The following ANGPTL6 variants were observed in gnomAD, a reference collection of about 807,000 sequenced individuals.
ANGPTL6 encodes the protein angiopoietin-related protein 6.
ANGPTL6 carries 45 observed loss-of-function variants against 47.4 expected under a neutral mutation model. The ratio of observed to expected loss-of-function variants is 0.95; its 90% CI spans 0.75 to 1.22. The LOEUF (loss-of-function observed/expected upper bound fraction) is 1.22, where lower values mean the gene tolerates loss of function less well. Ranked by LOEUF, ANGPTL6 falls within the 50% of genes most tolerant of loss-of-function variation. The pLI is 0.00. For synonymous variants in ANGPTL6, 290 were observed against 295.9 expected, an observed-to-expected ratio of 0.98 and a Z score of 0.20; for missense variants, 698 against 669.4, an observed-to-expected ratio of 1.04 and a Z score of -0.47.
chr19:10,103,825 T>C (rs1185118984), upstream of ANGPTL6, among the ~76,000 whole-genome samples: 1 of 150,938 alleles, frequency 6.6e-6, no homozygotes, highest in South Asian at 2.1e-4. Flanking sequence ...CTGGGCGCGG[T>C]GGCTCACGCC....
Position 10,096,586 on chromosome 19 carries a change from G to A in ANGPTL6, c.-10-13C>T, listed in dbSNP as rs2145174981. 6.8e-7 allele frequency: 1 copy of A among 1,476,008 alleles called. No individual in the cohort carries two copies. Among genetic ancestry groups the A allele is most frequent in the Non-Finnish European group, 8.9e-7 (1 of 1,120,104 alleles). The allele number at this position is 1,476,008 out of a possible 1,614,324, so 91.4% of individuals were successfully genotyped here. A position where few individuals can be genotyped will look rare whatever the true frequency, so the allele number is the denominator to read the frequency against. On this transcript the variant is annotated splice_polypyrimidine_tract_variant and intron_variant, in intron 1 of 5. Coordinates refer to ENST00000253109, the MANE Select transcript of ANGPTL6 (RefSeq NM_031917.3). ...CATCGCGGCGGACCTGCAGGCAGAG[G>A]AGGAACGGAAGGAAGACGGGGTGCT...
chr19:10,104,081 CA>C (rs33948028), upstream of ANGPTL6, among the ~76,000 whole-genome samples: 263 of 74,174 alleles, frequency 3.5e-3, 1 homozygote, highest in East Asian at 6.3e-3. Flanking sequence ...GACTCTGTCT[CA>C]AAAAAAAAAA....
intron 1 of ANGPTL6, among the ~76,000 whole-genome samples, 175 bp downstream of exon 1, chr19:10,102,393 C>T (rs865948166): frequency 6.6e-6 from 1 of 151,196 alleles, no homozygotes; most frequent in Non-Finnish European, 1.5e-5. Context: ...ACATGCCCCA[C>T]CCCCCACAAC....
chr19:10,094,228 C>A (rs1233606507), intron 3 of ANGPTL6, among the ~76,000 whole-genome samples: 1 of 151,918 alleles, frequency 6.6e-6, no homozygotes, highest in Non-Finnish European at 1.5e-5. Context: ...CTCACTGCAA[C>A]CTCATCCTCC....
chr19:10,098,715 T>C (rs2088604295), intron 1 of ANGPTL6, among the ~76,000 whole-genome samples: 1 of 151,650 alleles, frequency 6.6e-6, no homozygotes, highest in Non-Finnish European at 1.5e-5. Context: ...TCTCAGCTAC[T>C]TGGGAGGCTG....
chr19:10,093,508 G>A lies in ANGPTL6; in HGVS notation c.1063C>T (p.Arg355Cys), dbSNP rs747941692. Residue 355 changes from arginine (R) to cysteine (C), a missense_variant, in exon 5 of 6, where the codon CGT (arginine) becomes TGT (cysteine). By Grantham distance (180) the Arg-to-Cys change is radical. Transcript: ENST00000253109. ...LLVLLEDWGG[R>C]GARAHYDGFS... The stretch of plus-strand genomic sequence containing the variant: ...CCATCATAGTGGGCACGTGCTCCAC[G>A]GCCCCCCCAGTCCTCCAGGAGAACC... The A allele has an allele frequency of 6.8e-6, 11 of 1,614,028 alleles. No individual in the cohort carries two copies. Among genetic ancestry groups the A allele is most frequent in the East Asian group, 4.5e-5 (2 of 44,892 alleles).
chr19:10,098,869 T>TG (rs1215057118), intron 1 of ANGPTL6, among the ~76,000 whole-genome samples: 1 of 150,116 alleles, frequency 6.7e-6, no homozygotes, highest in Admixed American at 6.6e-5. Flanking sequence ...GGAGGTGAGG[T>TG]GGGGTGAGGG....
At chr19:10,094,581 C>T (rs1045036997) in intron 3 of ANGPTL6, 177 bp downstream of exon 3, 31 of 782,818 alleles carry the variant, frequency 4.0e-5, no homozygotes, top group Non-Finnish European at 5.8e-5. Context: ...GTAAGAGTCC[C>T]TCCTCTTCTA....
intron 1 of ANGPTL6, among the ~76,000 whole-genome samples, chr19:10,098,536 G>A (rs1051183912): frequency 1.3e-5 from 2 of 152,048 alleles, no homozygotes; most frequent in African/African-American, 4.8e-5. Flanking sequence ...AAGCAAAAGC[G>A]AAGGGAGGCT....
chr19:10,102,535 A>G lies in ANGPTL6; in HGVS notation c.-11+33T>C. On this transcript the variant is annotated intron_variant, in intron 1 of 5. Coordinates refer to ENST00000253109, the MANE Select transcript of ANGPTL6 (RefSeq NM_031917.3). ...GTGGTCGGAGTTTCCCCACAGTGAG[A>G]ATCAACCTCCACCTACCTTCCCACC... The G allele has an allele frequency of 1.8e-5, 18 of 982,400 alleles. 1 individual carries two copies. Among genetic ancestry groups the G allele is most frequent in the Non-Finnish European group, 2.2e-5 (18 of 827,262 alleles). The allele number at this position is 982,400 out of a possible 1,614,324, so 60.9% of individuals were successfully genotyped here.
In ANGPTL6 at chr19:10,094,783, G is replaced by A; in HGVS notation, c.738C>T (p.His246=). The A allele has an allele frequency of 6.2e-7, 1 of 1,614,192 alleles. No individual in the cohort carries two copies. Among genetic ancestry groups the A allele is most frequent in the Non-Finnish European group, 8.5e-7 (1 of 1,180,034 alleles). ...EPMASPMPAG[H]PAVPTKPVGP... ...CCACAGGCTTGGTGGGGACCGCAGG[G>A]TGACCTGCAGGCATGGGAGAAGCCA... The change falls in exon 3 of 6, where the codon CAC becomes CAT. Residue 246 remains histidine, a synonymous_variant. Coordinates refer to ENST00000253109, the MANE Select transcript of ANGPTL6 (RefSeq NM_031917.3).
Position 10,093,405 on chromosome 19 carries a change from G to GA in ANGPTL6, c.1165dup (p.Ser389PhefsTer5), listed in dbSNP as rs1406144611. On this transcript the variant is annotated frameshift_variant, in exon 5 of 6. Transcript: ENST00000253109. LOFTEE classifies it high-confidence loss of function. ...GCTGAAGGGCTTGTCATTGTGCCAG[G>GA]AAAGAGAGTCTCCAGCATCACCATG... 8 of 1,614,048 alleles carry GA rather than the reference G, an allele frequency of 5.0e-6. No homozygotes were observed. In the Admixed American group the frequency reaches 1.0e-4, roughly 20 times the overall value.
chr19:10,099,647 TC>T (rs1221083587), intron 1 of ANGPTL6, among the ~76,000 whole-genome samples: 1 of 149,676 alleles, frequency 6.7e-6, no homozygotes, highest in Non-Finnish European at 1.5e-5. Flanking sequence ...CCCAGGCCCT[TC>T]CTCACACGAA....
At chr19:10,101,072 A>G (rs1018858623) in intron 1 of ANGPTL6, among the ~76,000 whole-genome samples, 6 of 152,028 alleles carry the variant, frequency 3.9e-5, no homozygotes, top group Non-Finnish European at 5.9e-5. Flanking sequence ...AGCCAGGCGT[A>G]GTGGCACGCG....
At chr19:10,092,806 C>A in intron 5 of ANGPTL6, 27 bp from the exon 6 acceptor site, 2 of 1,553,192 alleles carry the variant, frequency 1.3e-6, no homozygotes, top group Non-Finnish European at 8.7e-7. Context: ...AGTCCATGTC[C>A]TCTCACCAGA....
chr19:10,095,138 T>G (rs527267977), intron 2 of ANGPTL6, among the ~76,000 whole-genome samples, 200 bp from the exon 3 acceptor site: 1 of 152,216 alleles, frequency 6.6e-6, no homozygotes, highest in Non-Finnish European at 1.5e-5. Context: ...CTGGGCGCTA[T>G]GGCCCGTGCC....
At chr19:10,102,486 G>T in intron 1 of ANGPTL6, 82 bp downstream of exon 1, 1 of 914,060 alleles carries the variant, frequency 1.1e-6, no homozygotes, top group East Asian at 1.2e-4. Flanking sequence ...TGGCGGGGTG[G>T]CCTGGGGGCC....
rs955559477 is a variant in ANGPTL6 at position 10,093,493 on chromosome 19, G to A, written c.1078C>T (p.His360Tyr). 1.9e-6 allele frequency: 3 copies of A among 1,614,204 alleles called. No homozygotes were observed. Among genetic ancestry groups the A allele is most frequent in the East Asian group, 2.2e-5 (1 of 44,884 alleles). ...GGTTCCAGGGAGAAGCCATCATAGT[G>A]GGCACGTGCTCCACGGCCCCCCCAG... ...EDWGGRGARA[H>Y]YDGFSLEPES... is the part of the protein sequence containing the mutation. Residue 360 changes from histidine (H) to tyrosine (Y), a missense_variant, in exon 5 of 6, where the codon CAC becomes TAC. Physicochemically the swap from His to Tyr is moderately conservative, Grantham distance 83 (BLOSUM62 2). Coordinates refer to ENST00000253109, the MANE Select transcript of ANGPTL6 (RefSeq NM_031917.3).
At position 10,096,087 on chromosome 19, in the gene ANGPTL6, C is replaced by G. The variant is rs369847598; in HGVS notation, c.477G>C (p.Gln159His). Residue 159 changes from glutamine (Q) to histidine (H), a missense_variant, in exon 2 of 6, where the codon CAG (glutamine) becomes CAC (histidine). Coordinates refer to ENST00000253109, the MANE Select transcript of ANGPTL6 (RefSeq NM_031917.3). The stretch of plus-strand genomic sequence containing the variant: ...CCAGCTCGCGGAACTTGACGTCCAG[C>G]TGGTGGAACCGGGCGGCTGCGCGCT... ...EAQRAAARFH[Q>H]LDVKFRELAQ... The G allele has an allele frequency of 4.0e-6, 6 of 1,493,782 alleles. No individual in the cohort carries two copies. In the Admixed American group the frequency reaches 1.3e-4, roughly 32 times the overall value. The allele number at this position is 1,493,782 out of a possible 1,614,324, so 92.5% of individuals were successfully genotyped here.
Sources: allele counts gnomAD v4.1 joint callset (sites outside exome capture counted in the v4.1 genomes callset), GRCh38; gene constraint gnomAD v4.1.1; transcripts MANE v1.5; gene names NCBI Gene and HGNC (gene_info 2026-07-23, HGNC 2026-07-21).